Variants in HVCN1 observed in about 807,000 individuals in gnomAD.
HVCN1 encodes the protein hydrogen voltage gated channel 1, also known as voltage-gated hydrogen channel 1.
A neutral mutation model predicts 29.2 loss-of-function variants in HVCN1; 14 were observed. That is an observed-to-expected ratio of 0.48 (90% CI 0.32 to 0.75). The LOEUF is 0.75. Among genes scored for constraint, HVCN1 ranks in the 30% least tolerant of loss-of-function variants. The pLI, the probability that HVCN1 is intolerant of heterozygous loss-of-function variation, is 0.04. For missense variants in HVCN1, 263 were observed against 341.8 expected, an observed-to-expected ratio of 0.77 and a Z score of 1.82; for synonymous variants, 131 against 133.2, an observed-to-expected ratio of 0.98 and a Z score of 0.11.
At chr12:110,680,459 AC>A (rs1338874352) in intron 3 of HVCN1, among the ~76,000 whole-genome samples, 2 of 151,994 alleles carry the variant, frequency 1.3e-5, no homozygotes, top group African/African-American at 4.8e-5. Flanking sequence ...GCTGCCATTT[AC>A]CCCATGAACA....
At chr12:110,651,109 C>A in intron 6 of HVCN1, 108 bp downstream of exon 6, 2 of 755,456 alleles carry the variant, frequency 2.6e-6, no homozygotes, top group South Asian at 1.7e-5. Flanking sequence ...GCCTCCATAA[C>A]AGGAGCCACT....
At chr12:110,664,027 C>T (rs181389623) in intron 3 of HVCN1, among the ~76,000 whole-genome samples, 369 of 152,304 alleles carry the variant, frequency 2.4e-3, no homozygotes, top group Non-Finnish European at 4.0e-3. Flanking sequence ...AAGCAATTCT[C>T]CTGCCTCAAC....
At chr12:110,664,453 G>A (rs1364919268) in intron 3 of HVCN1, among the ~76,000 whole-genome samples, 14 of 152,206 alleles carry the variant, frequency 9.2e-5, no homozygotes, top group Admixed American at 9.2e-4. Context: ...TTTGGAATGT[G>A]TAAAAGCATG....
At chr12:110,650,426 A>T in intron 6 of HVCN1, 146 bp from the exon 7 acceptor site, 1 of 585,242 alleles carries the variant, frequency 1.7e-6, no homozygotes, top group South Asian at 1.9e-5. Context: ...CAGAACTGGG[A>T]GGTCAGGGTT....
chr12:110,663,587 C>CAAAA (rs1182792368), intron 3 of HVCN1, among the ~76,000 whole-genome samples: 3 of 25,806 alleles, frequency 1.2e-4, no homozygotes, highest in Non-Finnish European at 1.6e-4. Flanking sequence ...GACGCTGTCT[C>CAAAA]AAAAAAAAAA....
intron 5 of HVCN1, among the ~76,000 whole-genome samples, chr12:110,654,008 A>G (rs1409241336): frequency 6.6e-6 from 1 of 152,212 alleles, no homozygotes; most frequent in Admixed American, 6.5e-5. Flanking sequence ...GCCAGACGGA[A>G]GCGTGTGTGC....
intron 3 of HVCN1, among the ~76,000 whole-genome samples, chr12:110,674,001 T>C (rs2068667220): frequency 1.3e-5 from 2 of 152,160 alleles, no homozygotes; most frequent in South Asian, 4.1e-4. Context: ...GATCCACCAA[T>C]AGCTTGCACC....
chr12:110,681,014 G>C (rs2068948490), intron 3 of HVCN1, among the ~76,000 whole-genome samples: 1 of 152,158 alleles, frequency 6.6e-6, no homozygotes, highest in African/African-American at 2.4e-5. Flanking sequence ...CCTGTTCAGA[G>C]GCCAGGAAAC....
Position 110,661,053 on chromosome 12 carries a change from TCG to T in HVCN1, c.306+109_306+110del, listed in dbSNP as rs1266793567. On this transcript the variant is annotated intron_variant, in intron 4 of 7. Coordinates refer to ENST00000242607, the MANE Select transcript of HVCN1 (RefSeq NM_032369.4). The surrounding 1 kb of genome is among the most constrained non-coding windows in gnomAD (Gnocchi z 6.2). ...CACGTGGTAGGTGCTGGGCAAACAC[TCG>T]TAGAATGAATGAGGCAGTGGCCAAA... is the stretch of plus-strand genomic sequence containing the variant. 9.6e-7 allele frequency: 1 copy of T among 1,038,816 alleles called. No homozygotes were observed. Among genetic ancestry groups the T allele is most frequent in the African/African-American group, 1.6e-5 (1 of 62,640 alleles). The allele number at this position is 1,038,816 out of a possible 1,614,324, so 64.3% of individuals were successfully genotyped here. A position where few individuals can be genotyped will look rare whatever the true frequency, so the allele number is the denominator to read the frequency against.
chr12:110,702,934 A>C (rs1232330009), intron 1 of HVCN1, among the ~76,000 whole-genome samples: 1 of 151,990 alleles, frequency 6.6e-6, no homozygotes, highest in African/African-American at 2.4e-5. Flanking sequence ...GATTACAGGC[A>C]TGAGTCACCA....
In HVCN1 at chr12:110,663,408, C is replaced by A. The variant is rs1412901708; in HGVS notation, c.22-1960G>T. Among the ~76,000 whole-genome samples, 3 of 151,618 alleles carry A rather than the reference C, an allele frequency of 2.0e-5. No homozygotes were observed. The East Asian group carries it at 5.8e-4, about 29-fold the overall frequency. ...GCTTGAGCCCAGGAGCTGAGACCAG[C>A]CTGCGCAATAAGGCAAGACCCTGTC... On this transcript the variant is annotated intron_variant, in intron 3 of 7. Transcript: ENST00000242607.
At chr12:110,675,752 A>G (rs2136388866) in intron 3 of HVCN1, among the ~76,000 whole-genome samples, 1 of 151,898 alleles carries the variant, frequency 6.6e-6, no homozygotes, top group Non-Finnish European at 1.5e-5. Flanking sequence ...CTAAAAATAC[A>G]AAAATTAGCT....
upstream of HVCN1, among the ~76,000 whole-genome samples, chr12:110,691,780 C>T (rs2069410424): frequency 6.6e-6 from 1 of 152,182 alleles, no homozygotes; most frequent in Admixed American, 6.5e-5. Flanking sequence ...CTACCTTCCC[C>T]CATCCCTTCC....
Position 110,661,759 on chromosome 12 carries a change from C to T in HVCN1, c.22-311G>A, listed in dbSNP as rs922072990. Among the ~76,000 whole-genome samples the T allele has an allele frequency of 6.6e-6, 1 of 152,266 alleles. No homozygotes were observed. Among genetic ancestry groups the T allele is most frequent in the Middle Eastern group, 3.4e-3 (1 of 294 alleles). On this transcript the variant is annotated intron_variant, in intron 3 of 7. Coordinates refer to ENST00000242607, the MANE Select transcript of HVCN1 (RefSeq NM_032369.4). This position sits in a 1 kb window ranked among gnomAD's most constrained non-coding sequence, Gnocchi z 6.2. ...CCGCCACGGGCCCATGTGTGAATACCGGAAGGGCGGCCCCAAGGTTCAGAG... is the reference window on the plus strand; with the variant it reads ...CCGCCACGGGCCCATGTGTGAATACTGGAAGGGCGGCCCCAAGGTTCAGAG...
chr12:110,667,869 T>G (rs992447737), intron 3 of HVCN1, among the ~76,000 whole-genome samples: 1 of 152,206 alleles, frequency 6.6e-6, no homozygotes, highest in Non-Finnish European at 1.5e-5. Context: ...TCTGAAACCT[T>G]GCAACTGGTG....
At chr12:110,687,527 T>C (rs562875343) in intron 2 of HVCN1, among the ~76,000 whole-genome samples, 208 of 151,308 alleles carry the variant, frequency 1.4e-3, no homozygotes, top group Admixed American at 1.9e-3. Context: ...GAGAGAAAAA[T>C]TGAGAATAAT....
At chr12:110,703,225 AAAAAATT>A (rs2069579313) in intron 1 of HVCN1, among the ~76,000 whole-genome samples, 3 of 151,098 alleles carry the variant, frequency 2.0e-5, no homozygotes, top group Non-Finnish European at 4.4e-5. Flanking sequence ...AAAAAAAAAA[AAAAAATT>A]AAAAATTAGC....
chr12:110,669,783 C>T (rs1441813947), intron 3 of HVCN1, among the ~76,000 whole-genome samples: 1 of 152,126 alleles, frequency 6.6e-6, no homozygotes, highest in African/African-American at 2.4e-5. Flanking sequence ...AGGCCGGGCG[C>T]GGTGGCTCAA....
chr12:110,651,592 A>C, intron 5 of HVCN1, 144 bp from the exon 6 acceptor site: 2 of 646,340 alleles, frequency 3.1e-6, no homozygotes, highest in South Asian at 3.7e-5. Context: ...ACAGCTGTGA[A>C]CACCACAGAT....
Sources: gnomAD v4.1 joint callset for allele counts (sites outside exome capture counted in the v4.1 genomes callset) on GRCh38, gnomAD v4.1.1 for gene constraint, Gnocchi (gnomAD v3.1) non-coding constraint, MANE v1.5 for transcripts, NCBI Gene and HGNC (gene_info 2026-07-23, HGNC 2026-07-21) for gene names.